ADARB2: variants seen among roughly 807,000 people sequenced by gnomAD.
ADARB2 encodes the protein adenosine deaminase RNA specific B2 (inactive).
Under a neutral mutation model 62.2 loss-of-function variants are expected in ADARB2, and 25 were observed. That is an observed-to-expected ratio of 0.40 (90% confidence interval 0.29 to 0.56). ADARB2 has a LOEUF of 0.56. Ranked by LOEUF, ADARB2 falls within the 20% of genes least tolerant of loss-of-function variation. The pLI is 0.43. For missense variants in ADARB2, 1,071 were observed against 1,077.4 expected, an observed-to-expected ratio of 0.99 and a Z score of 0.08; for synonymous variants, 572 against 500.8, an observed-to-expected ratio of 1.14 and a Z score of -1.90.
intron 2 of ADARB2, among the ~76,000 whole-genome samples, chr10:1,369,774 T>G (rs1356291904): frequency 6.6e-6 from 1 of 152,244 alleles, no homozygotes; most frequent in Non-Finnish European, 1.5e-5. Flanking sequence ...TCATCCCCTC[T>G]GTCTCTGATC....
At chr10:1,378,220 G>A (rs114222592) in intron 2 of ADARB2, among the ~76,000 whole-genome samples, 313 of 152,242 alleles carry the variant, frequency 2.1e-3, no homozygotes, top group African/African-American at 6.5e-3. Flanking sequence ...CCGAGATGCC[G>A]CTCAGATCCC....
At chr10:1,196,206 C>A (rs1265317655) in intron 8 of ADARB2, among the ~76,000 whole-genome samples, 24 of 120,926 alleles carry the variant, frequency 2.0e-4, no homozygotes, top group Admixed American at 5.1e-4. Flanking sequence ...CTTCTTTTGC[C>A]TTTTTTTTTT....
intron 6 of ADARB2, among the ~76,000 whole-genome samples, chr10:1,228,441 A>G (rs1830767269): frequency 6.6e-6 from 1 of 152,238 alleles, no homozygotes; most frequent in Non-Finnish European, 1.5e-5. Flanking sequence ...GTTCTATCCC[A>G]GGCCTCCCAG....
intron 3 of ADARB2, among the ~76,000 whole-genome samples, chr10:1,347,113 C>CAGAG (rs1832087824): frequency 6.6e-6 from 1 of 152,256 alleles, no homozygotes; most frequent in Non-Finnish European, 1.5e-5. Flanking sequence ...GGGCCCAGGA[C>CAGAG]TGGCCCATTC....
chr10:1,548,580 G>A (rs777834316), intron 1 of ADARB2, among the ~76,000 whole-genome samples: 8 of 152,236 alleles, frequency 5.3e-5, no homozygotes, highest in Non-Finnish European at 1.0e-4. Flanking sequence ...GGAGCAGGGT[G>A]AATAAAGTCT....
chr10:1,511,364 A>G (rs1471995366), intron 1 of ADARB2, among the ~76,000 whole-genome samples: 1 of 152,218 alleles, frequency 6.6e-6, no homozygotes, highest in Non-Finnish European at 1.5e-5. Context: ...AACAGTAAAC[A>G]GAAAAGGGGG....
chr10:1,567,217 T>C (rs1318498856), intron 1 of ADARB2, among the ~76,000 whole-genome samples: 1 of 151,962 alleles, frequency 6.6e-6, no homozygotes, highest in Non-Finnish European at 1.5e-5. Context: ...CACTGATGCC[T>C]GTGCATTTGG....
intron 1 of ADARB2, among the ~76,000 whole-genome samples, chr10:1,578,441 T>C (rs1316502813): frequency 6.6e-6 from 1 of 152,242 alleles, no homozygotes; most frequent in Non-Finnish European, 1.5e-5. Flanking sequence ...TGAGGCTTTA[T>C]TTCTAGGACA....
At chr10:1,412,462 A>ATTG (rs773855556) in intron 1 of ADARB2, among the ~76,000 whole-genome samples, 1 of 151,998 alleles carries the variant, frequency 6.6e-6, no homozygotes, top group South Asian at 2.1e-4. Flanking sequence ...TATTATTATT[A>ATTG]TTATTTTTGC....
At chr10:1,598,811 G>A (rs138381736) in intron 1 of ADARB2, among the ~76,000 whole-genome samples, 2 of 152,340 alleles carry the variant, frequency 1.3e-5, no homozygotes, top group South Asian at 2.1e-4. Flanking sequence ...ACTGGAATCC[G>A]CAGACAGAAG....
At chr10:1,346,019 A>C (rs1832077395) in intron 3 of ADARB2, among the ~76,000 whole-genome samples, 1 of 152,136 alleles carries the variant, frequency 6.6e-6, no homozygotes. Flanking sequence ...CACTGTGTGT[A>C]TTATCATCAT....
In ADARB2 at chr10:1,737,035, G is replaced by C; in HGVS notation, c.100+16C>G. On this transcript the variant is annotated intron_variant, in intron 1 of 9. Transcript: ENST00000381312. Reference sequence around the variant, plus strand: ...GGTGAAGGGGGGCAGGGGCCGGCGCGCCACGCGGTCCTTACCTTTCCGCTT... The same window carrying C: ...GGTGAAGGGGGGCAGGGGCCGGCGCCCCACGCGGTCCTTACCTTTCCGCTT... 3 of 1,608,486 alleles carry C rather than the reference G, an allele frequency of 1.9e-6. No homozygotes were observed. Among genetic ancestry groups the C allele is most frequent in the Non-Finnish European group, 2.5e-6 (3 of 1,179,618 alleles).
At chr10:1,489,721 C>A (rs904617774) in intron 1 of ADARB2, among the ~76,000 whole-genome samples, 1 of 152,140 alleles carries the variant, frequency 6.6e-6, no homozygotes, top group Admixed American at 6.5e-5. Flanking sequence ...CTCAAACCAG[C>A]ACTTTCTGAA....
intron 1 of ADARB2, among the ~76,000 whole-genome samples, chr10:1,479,513 T>A (rs369834183): frequency 6.6e-6 from 1 of 152,246 alleles, no homozygotes; most frequent in Middle Eastern, 3.4e-3. Context: ...AGCTTTTGAT[T>A]GAAAACCTGT....
At chr10:1,256,433 G>C (rs1159142562) in intron 4 of ADARB2, among the ~76,000 whole-genome samples, 4 of 152,200 alleles carry the variant, frequency 2.6e-5, no homozygotes, top group South Asian at 2.1e-4. Context: ...ACAGGGGCCT[G>C]AATGGCGCCT....
rs1554767638 is a variant in ADARB2, at chr10:1,510,110, C to CTCTTTCTCTCTTTCTTTCTTTCTT, written c.101-130951_101-130950insAAGAAAGAAAGAAAGAGAGAAAGA. ...CTCTCTCTCTCTTTTCTTTCTTTCT[C>CTCTTTCTCTCTTTCTTTCTTTCTT]TCTTTCTTTCTTTCTTTCTTTCTTT... On this transcript the variant is annotated intron_variant, in intron 1 of 9. Transcript: ENST00000381312. 5.1e-3 allele frequency among the ~76,000 whole-genome samples: 540 copies of CTCTTTCTCTCTTTCTTTCTTTCTT among 106,208 alleles called. 3 individuals carry two copies. The highest frequency in any genetic ancestry group is 6.1e-3 in the Non-Finnish European group (322 of 52,716). 69.7% of individuals were successfully genotyped at this position (106,208 alleles called of 152,430 possible).
chr10:1,456,493 C>T (rs983754960), intron 1 of ADARB2, among the ~76,000 whole-genome samples: 2 of 152,174 alleles, frequency 1.3e-5, no homozygotes, highest in African/African-American at 2.4e-5. Flanking sequence ...AACCTATGAA[C>T]ACCCCACACT....
chr10:1,474,537 C>T (rs554093530), intron 1 of ADARB2, among the ~76,000 whole-genome samples: 6 of 152,260 alleles, frequency 3.9e-5, no homozygotes, highest in Middle Eastern at 3.4e-3. Flanking sequence ...GTGACACAGC[C>T]GGAGCGGACG....
intron 1 of ADARB2, among the ~76,000 whole-genome samples, chr10:1,465,676 G>A (rs1289963587): frequency 6.6e-6 from 1 of 152,224 alleles, no homozygotes; most frequent in Non-Finnish European, 1.5e-5. Flanking sequence ...CAACTTGGGT[G>A]GAGGTTTAAG....
Sources: allele counts gnomAD v4.1 joint callset (sites outside exome capture counted in the v4.1 genomes callset), GRCh38; gene constraint gnomAD v4.1.1; transcripts MANE v1.5; gene names NCBI Gene and HGNC (gene_info 2026-07-23, HGNC 2026-07-21).